The following PPARGC1A variants were observed in gnomAD, a reference collection of about 807,000 sequenced individuals.
PPARGC1A encodes the protein peroxisome proliferator-activated receptor gamma coactivator 1-alpha.
PPARGC1A carries 25 observed loss-of-function variants against 88.7 expected under a neutral mutation model. The observed-to-expected ratio is 0.28, with a 90% CI of 0.21 to 0.39. The LOEUF is 0.39. Ranked by LOEUF, PPARGC1A falls within the 10% of genes least tolerant of loss-of-function variation. The pLI is 1.00. For missense variants in PPARGC1A, 880 were observed against 968.7 expected, an observed-to-expected ratio of 0.91 and a Z score of 1.22; for synonymous variants, 363 against 355.6, an observed-to-expected ratio of 1.02 and a Z score of -0.24.
At chr4:24,138,605 T>G in the PPARGC1A span, among the ~76,000 whole-genome samples, 90 of 152,268 alleles carry the variant, frequency 5.9e-4, no homozygotes, top group Non-Finnish European at 5.7e-4. Context: ...TGCACTTTCT[T>G]TTGCAAATCA....
the PPARGC1A span, among the ~76,000 whole-genome samples, chr4:24,205,247 T>A: frequency 3.9e-5 from 6 of 152,184 alleles, no homozygotes; most frequent in Non-Finnish European, 8.8e-5. Context: ...TCCCGGAGCA[T>A]CTTAAAAGCA....
the PPARGC1A span, among the ~76,000 whole-genome samples, chr4:24,388,650 T>C: frequency 2.6e-5 from 4 of 152,130 alleles, no homozygotes; most frequent in Admixed American, 2.0e-4. Flanking sequence ...ATAAAAAGGA[T>C]GAGTTCATGT....
the PPARGC1A span, among the ~76,000 whole-genome samples, chr4:24,346,963 G>T: frequency 3.9e-5 from 6 of 151,946 alleles, no homozygotes; most frequent in African/African-American, 1.5e-4. Flanking sequence ...GGTTTCGACA[G>T]GTTCTATCAT....
At chr4:24,164,820 T>C in the PPARGC1A span, among the ~76,000 whole-genome samples, 1 of 152,160 alleles carries the variant, frequency 6.6e-6, no homozygotes, top group Non-Finnish European at 1.5e-5. Context: ...CTACACACAT[T>C]GGCAGACCTA....
At chr4:24,033,857 T>C in the PPARGC1A span, among the ~76,000 whole-genome samples, 137,826 of 152,116 alleles carry the variant, frequency 0.91, 62,615 homozygotes, top group South Asian at 0.95. Context: ...TGATGGAATG[T>C]TTAACTCCAA....
the PPARGC1A span, among the ~76,000 whole-genome samples, chr4:23,996,387 T>C: frequency 6.6e-6 from 1 of 152,124 alleles, no homozygotes; most frequent in East Asian, 1.9e-4. Flanking sequence ...TATCCATTCG[T>C]CTTACCTTCT....
At chr4:24,066,742 G>A in the PPARGC1A span, among the ~76,000 whole-genome samples, 2 of 151,922 alleles carry the variant, frequency 1.3e-5, no homozygotes, top group African/African-American at 2.4e-5. Flanking sequence ...CACTCGGGGA[G>A]TGATTTGCAA....
At chr4:23,925,630 A>G in the PPARGC1A span, among the ~76,000 whole-genome samples, 10 of 152,238 alleles carry the variant, frequency 6.6e-5, no homozygotes, top group East Asian at 1.9e-4. Context: ...GGATTCAGTT[A>G]AAAAGAAGAA....
chr4:24,463,207 C>A, the PPARGC1A span, among the ~76,000 whole-genome samples: 1 of 152,144 alleles, frequency 6.6e-6, no homozygotes, highest in Non-Finnish European at 1.5e-5. Flanking sequence ...TATTTCTTTG[C>A]ATATTAACTT....
the PPARGC1A span, among the ~76,000 whole-genome samples, chr4:24,242,650 C>G: frequency 1.3e-5 from 2 of 152,178 alleles, no homozygotes; most frequent in South Asian, 2.1e-4. Flanking sequence ...GTCATCTTCA[C>G]CCCCTAAACA....
the PPARGC1A span, among the ~76,000 whole-genome samples, chr4:24,337,847 T>A: frequency 1.3e-5 from 2 of 152,124 alleles, no homozygotes; most frequent in Admixed American, 6.6e-5. Flanking sequence ...CCAAATAAGG[T>A]TCCCCCAAGA....
At chr4:23,966,733 A>G in the PPARGC1A span, among the ~76,000 whole-genome samples, 1 of 152,328 alleles carries the variant, frequency 6.6e-6, no homozygotes, top group South Asian at 2.1e-4. Flanking sequence ...AGGTCTGTCT[A>G]TCAAAGCTTT....
chr4:24,165,471 GT>G, the PPARGC1A span, among the ~76,000 whole-genome samples: 13 of 152,106 alleles, frequency 8.5e-5, no homozygotes, highest in African/African-American at 2.4e-4. Context: ...GGAATACATT[GT>G]TTTATTGTGC....
the PPARGC1A span, among the ~76,000 whole-genome samples, chr4:24,211,979 G>A: frequency 3.9e-5 from 6 of 152,120 alleles, no homozygotes; most frequent in East Asian, 3.9e-4. Flanking sequence ...TAGATTCCTC[G>A]TCTATTGGCT....
the PPARGC1A span, among the ~76,000 whole-genome samples, chr4:24,340,335 G>A: frequency 2.0e-5 from 3 of 152,080 alleles, no homozygotes; most frequent in African/African-American, 4.8e-5. Flanking sequence ...AAAAAAGAAC[G>A]CACAACTTTG....
At chr4:24,302,134 T>G in the PPARGC1A span, among the ~76,000 whole-genome samples, 1 of 152,240 alleles carries the variant, frequency 6.6e-6, no homozygotes, top group South Asian at 2.1e-4. Flanking sequence ...TCCATCTTCC[T>G]TCTTGGTTCA....
At chr4:24,086,018 A>C in the PPARGC1A span, among the ~76,000 whole-genome samples, 1 of 152,140 alleles carries the variant, frequency 6.6e-6, no homozygotes, top group Non-Finnish European at 1.5e-5. Flanking sequence ...TGTGTTTGTT[A>C]ACTATCATTG....
upstream of PPARGC1A, among the ~76,000 whole-genome samples, chr4:23,891,131 T>C (rs1472648143): frequency 6.6e-6 from 1 of 152,200 alleles, no homozygotes; most frequent in Non-Finnish European, 1.5e-5. Context: ...CTAATGCAGG[T>C]AGGTGCAACT....
the PPARGC1A span, among the ~76,000 whole-genome samples, chr4:23,936,131 G>T: frequency 6.6e-6 from 1 of 152,070 alleles, no homozygotes; most frequent in Non-Finnish European, 1.5e-5. Context: ...AAAGCTTTCA[G>T]ATACAACTGA....
Sources: allele counts gnomAD v4.1 joint callset (sites outside exome capture counted in the v4.1 genomes callset), GRCh38; gene constraint gnomAD v4.1.1; transcripts MANE v1.5; gene names NCBI Gene and HGNC (gene_info 2026-07-23, HGNC 2026-07-21).